The following UBAP2 variants were observed in gnomAD, a reference collection of about 807,000 sequenced individuals.
UBAP2 encodes ubiquitin-associated protein 2.
UBAP2 carries 75 observed loss-of-function variants against 139.6 expected under a neutral mutation model. That is an observed-to-expected ratio of 0.54 (90% CI 0.45 to 0.65). The LOEUF (loss-of-function observed/expected upper bound fraction) is 0.65, where lower values mean the gene tolerates loss of function less well. UBAP2 is among the 30% of genes least tolerant of loss of function. The pLI is 0.00. For synonymous variants in UBAP2, 526 were observed against 526.2 expected (o/e 1.00, Z 0.01); for missense variants, 1,368 against 1,369.6 (o/e 1.00, Z 0.02).
intron 6 of UBAP2, among the ~76,000 whole-genome samples, chr9:33,985,965 T>C (rs897097181): frequency 6.6e-6 from 1 of 151,186 alleles, no homozygotes; most frequent in East Asian, 2.0e-4. Flanking sequence ...AGGTTGCAGT[T>C]AGCTGAGATG....
chr9:33,994,752 A>G (rs1345517874), intron 4 of UBAP2: 1 of 151,950 alleles, frequency 6.6e-6, no homozygotes, highest in Non-Finnish European at 1.5e-5. Flanking sequence ...TTACTGCTAC[A>G]CTCAAACAGT....
chr9:34,016,132 G>C (rs1824235302), intron 2 of UBAP2, among the ~76,000 whole-genome samples: 1 of 151,566 alleles, frequency 6.6e-6, no homozygotes, highest in African/African-American at 2.4e-5. Flanking sequence ...GGAAGGAGGA[G>C]GAAGGGAAGC....
chr9:33,944,232 C>A, intron 14 of UBAP2, 133 bp downstream of exon 14: 1 of 1,226,238 alleles, frequency 8.2e-7, no homozygotes, highest in Non-Finnish European at 1.1e-6. Context: ...ATGGCCATAT[C>A]CTTATTATGC....
intron 5 of UBAP2, among the ~76,000 whole-genome samples, chr9:33,987,066 C>T (rs1448176312): frequency 6.6e-6 from 1 of 151,852 alleles, no homozygotes; most frequent in Non-Finnish European, 1.5e-5. Context: ...CTGAGGGGGG[C>T]AGATCTCTTG....
chr9:33,930,108 T>G (rs533900002), intron 19 of UBAP2, among the ~76,000 whole-genome samples: 3 of 152,318 alleles, frequency 2.0e-5, no homozygotes, highest in Admixed American at 1.3e-4. Flanking sequence ...ACAACCTCAT[T>G]AAAAACTAGA....
At position 33,927,055 on chromosome 9, in the gene UBAP2, C is replaced by T. The variant is rs10971798; in HGVS notation, c.2397G>A (p.Gln799=). The change falls in exon 21 of 29, where the codon CAG becomes CAA. Residue 799 remains glutamine, a synonymous_variant. Coordinates refer to ENST00000379238, the MANE Select transcript of UBAP2 (RefSeq NM_001370062.2). ...TSGKAPPNLP[Q]GVPPLLHNQY... ...GGTTGTGCAGCAGGGGAGGCACCCC[C>T]TGAGGTAAGTTTGGGGGTGCTTTGC... 0.022 allele frequency: 35,165 copies of T among 1,613,314 alleles called. 485 individuals are homozygous for T. Among genetic ancestry groups the T allele is most frequent in the Non-Finnish European group, 0.024 (28,482 of 1,179,580 alleles).
chr9:33,995,364 AATAAATAT>A (rs1474483711), intron 4 of UBAP2: 7 of 143,098 alleles, frequency 4.9e-5, no homozygotes, highest in African/African-American at 7.7e-5. Context: ...CAAAAAAATA[AATAAATAT>A]ATAAATATAT....
At chr9:33,925,860 A>G (rs1823382320) in intron 22 of UBAP2, among the ~76,000 whole-genome samples, 1 of 152,116 alleles carries the variant, frequency 6.6e-6, no homozygotes, top group Non-Finnish European at 1.5e-5. Flanking sequence ...ACTGCCTGCA[A>G]CTCTCTGACA....
chr9:33,978,710 G>A (rs1400117100), intron 6 of UBAP2, among the ~76,000 whole-genome samples: 1 of 152,184 alleles, frequency 6.6e-6, no homozygotes, highest in South Asian at 2.1e-4. Flanking sequence ...AACCCAGGAG[G>A]GGGAGCGTGC....
At chr9:34,028,500 C>G (rs1825611602) in intron 1 of UBAP2, among the ~76,000 whole-genome samples, 1 of 152,018 alleles carries the variant, frequency 6.6e-6, no homozygotes, top group African/African-American at 2.4e-5. Flanking sequence ...CTGCCTCAGC[C>G]TCCCAAGTAG....
At chr9:33,981,922 T>C (rs913638921) in intron 6 of UBAP2, among the ~76,000 whole-genome samples, 3 of 152,088 alleles carry the variant, frequency 2.0e-5, no homozygotes, top group South Asian at 4.1e-4. Context: ...GTCAGAATCA[T>C]AGTAATTTTC....
chr9:34,014,343 A>AAAAAAG (rs1564063053), intron 2 of UBAP2, among the ~76,000 whole-genome samples: 3 of 149,840 alleles, frequency 2.0e-5, no homozygotes, highest in African/African-American at 4.9e-5. Flanking sequence ...AAAAAAAAAA[A>AAAAAAG]AAAAAGGTCA....
chr9:34,004,109 T>C (rs1403340646), intron 2 of UBAP2, among the ~76,000 whole-genome samples: 1 of 151,962 alleles, frequency 6.6e-6, no homozygotes, highest in East Asian at 1.9e-4. Flanking sequence ...TTTAAAACCA[T>C]CTCCACAAAA....
intron 1 of UBAP2, among the ~76,000 whole-genome samples, chr9:34,047,280 G>C (rs1277152667): frequency 6.6e-6 from 1 of 152,134 alleles, no homozygotes; most frequent in Non-Finnish European, 1.5e-5. Context: ...GCAAGCAAAA[G>C]GGCAGTTTGG....
chr9:33,952,332 A>G (rs1016655705), intron 12 of UBAP2, among the ~76,000 whole-genome samples: 1 of 152,200 alleles, frequency 6.6e-6, no homozygotes, highest in Non-Finnish European at 1.5e-5. Flanking sequence ...TTATACTTCC[A>G]TAAGCCTATC....
chr9:33,983,626 A>T (rs1296046132), intron 6 of UBAP2, among the ~76,000 whole-genome samples: 1 of 152,118 alleles, frequency 6.6e-6, no homozygotes, highest in Non-Finnish European at 1.5e-5. Context: ...CAATAAAGTC[A>T]TTTTATTCTT....
intron 2 of UBAP2, among the ~76,000 whole-genome samples, chr9:34,013,375 C>A (rs1256979545): frequency 6.6e-6 from 1 of 151,890 alleles, no homozygotes; most frequent in African/African-American, 2.4e-5. Context: ...CATGGTGAAA[C>A]CCCGTCTCTA....
intron 8 of UBAP2, among the ~76,000 whole-genome samples, chr9:33,967,034 T>C (rs1827517916): frequency 6.6e-6 from 1 of 152,180 alleles, no homozygotes; most frequent in African/African-American, 2.4e-5. Flanking sequence ...CCTCTATTTA[T>C]TGTCTTCTTT....
chr9:33,936,952 A>AAAAAAAT (rs55697160), intron 16 of UBAP2, among the ~76,000 whole-genome samples: 3 of 127,676 alleles, frequency 2.3e-5, no homozygotes, highest in Non-Finnish European at 3.3e-5. Context: ...AAAAAAAAAA[A>AAAAAAAT]CAGTCTGAAT....
Sources: gnomAD v4.1 joint callset for allele counts (sites outside exome capture counted in the v4.1 genomes callset) on GRCh38, gnomAD v4.1.1 for gene constraint, MANE v1.5 for transcripts, NCBI Gene and HGNC (gene_info 2026-07-23, HGNC 2026-07-21) for gene names.